EPB41L2: variants seen among roughly 807,000 people sequenced by gnomAD.
The protein encoded by EPB41L2 is band 4.1-like protein 2.
EPB41L2 carries 43 observed loss-of-function variants against 113.0 expected under a neutral mutation model. The ratio of observed to expected loss-of-function variants is 0.38; its 90% CI spans 0.30 to 0.49. The LOEUF (loss-of-function observed/expected upper bound fraction) is 0.49. Among genes scored for constraint, EPB41L2 ranks in the 20% least tolerant of loss-of-function variants. The probability of loss-of-function intolerance (pLI) is 0.95; values close to 1 mark genes in which losing one functional copy is unlikely to be tolerated. For missense variants in EPB41L2, 1,147 were observed against 1,223.4 expected (o/e 0.94, Z 0.93); for synonymous variants, 442 against 436.7 (o/e 1.01, Z -0.15).
At chr6:130,843,648 T>TA (rs1776177733) in intron 19 of EPB41L2, among the ~76,000 whole-genome samples, 1 of 152,218 alleles carries the variant, frequency 6.6e-6, no homozygotes, top group South Asian at 2.1e-4. Flanking sequence ...AAAGCATTCA[T>TA]ACCACTGTTC....
intron 14 of EPB41L2, chr6:130,870,386 A>G (rs984228847): frequency 7.7e-6 from 12 of 1,550,620 alleles, no homozygotes; most frequent in South Asian, 1.2e-5. Flanking sequence ...ACGTGTCTGC[A>G]GAACAAAAAG....
intron 1 of EPB41L2, among the ~76,000 whole-genome samples, chr6:130,967,458 G>A (rs1175306963): frequency 6.7e-6 from 1 of 149,566 alleles, no homozygotes; most frequent in Non-Finnish European, 1.5e-5. Context: ...TAATACCGGT[G>A]CATATGCAGG....
At chr6:130,983,412 C>T (rs751658370) in intron 1 of EPB41L2, among the ~76,000 whole-genome samples, 9 of 152,042 alleles carry the variant, frequency 5.9e-5, no homozygotes, top group Non-Finnish European at 8.8e-5. Context: ...GTACTTACAA[C>T]GTACATGGTA....
chr6:131,002,129 T>G (rs987245305), intron 1 of EPB41L2, among the ~76,000 whole-genome samples: 3 of 152,196 alleles, frequency 2.0e-5, no homozygotes, highest in African/African-American at 7.2e-5. Flanking sequence ...TTTAACTACC[T>G]GTTGATTCAA....
At position 130,931,602 on chromosome 6, in the gene EPB41L2, TC is replaced by T. The variant is rs1415365066; in HGVS notation, c.706-4894del. On this transcript the variant is annotated intron_variant, in intron 3 of 19. Coordinates refer to ENST00000337057, the MANE Select transcript of EPB41L2 (RefSeq NM_001431.4). ...TAATGTTCAATCAAACTCGATTGGG[TC>T]GGCTCAGACAGCAACACCATCTAGT... 2.6e-5 allele frequency among the ~76,000 whole-genome samples: 4 copies of T among 152,110 alleles called. No homozygotes were observed. In the East Asian group the frequency reaches 7.7e-4, roughly 29 times the overall value.
chr6:131,027,668 A>G (rs1791191168), intron 1 of EPB41L2, among the ~76,000 whole-genome samples: 1 of 152,232 alleles, frequency 6.6e-6, no homozygotes, highest in Non-Finnish European at 1.5e-5. Flanking sequence ...AAACTTTTAT[A>G]ACACAGAGAA....
intron 18 of EPB41L2, among the ~76,000 whole-genome samples, chr6:130,860,820 C>T (rs1003975790): frequency 2.0e-5 from 3 of 152,092 alleles, no homozygotes; most frequent in African/African-American, 7.2e-5. Context: ...AGGCTTGAGC[C>T]ACCGCGCCCG....
intron 1 of EPB41L2, among the ~76,000 whole-genome samples, chr6:131,024,198 G>T (rs1562755193): frequency 1.3e-5 from 2 of 152,096 alleles, no homozygotes; most frequent in Admixed American, 6.5e-5. Context: ...TCAGCAGAAG[G>T]TTGACAGGTG....
Position 131,027,107 on chromosome 6 carries a change from G to A in EPB41L2, c.-15+36048C>T, listed in dbSNP as rs553741869. Among the ~76,000 whole-genome samples, 4 of 152,044 alleles carry A rather than the reference G, an allele frequency of 2.6e-5. No individual in the cohort carries two copies. In the South Asian group the frequency reaches 8.3e-4, roughly 32 times the overall value. ...TACTTACTACGTAAGAGATTGAGCAGGCAAAATACATTGGAAAAAACACAT... is the reference window on the plus strand; with the variant it reads ...TACTTACTACGTAAGAGATTGAGCAAGCAAAATACATTGGAAAAAACACAT... On this transcript the variant is annotated intron_variant, in intron 1 of 19. Coordinates refer to ENST00000337057, the MANE Select transcript of EPB41L2 (RefSeq NM_001431.4).
intron 1 of EPB41L2, chr6:131,062,700 G>T (rs1333220427): frequency 6.6e-6 from 1 of 151,852 alleles, no homozygotes. Flanking sequence ...CCCCGCGGGG[G>T]GGATGGAGCC....
chr6:131,005,375 G>A (rs548649399), intron 1 of EPB41L2, among the ~76,000 whole-genome samples: 1 of 152,184 alleles, frequency 6.6e-6, no homozygotes, highest in South Asian at 2.1e-4. Flanking sequence ...AGATGCCCTA[G>A]AACCTGACAT....
intron 3 of EPB41L2, among the ~76,000 whole-genome samples, chr6:130,936,584 A>ATAGT (rs35028189): frequency 0.78 from 118,705 of 151,750 alleles, 46,931 homozygotes; most frequent in East Asian, 1. Flanking sequence ...TCTAAGCCAA[A>ATAGT]TAGTGATAAA....
At position 130,863,240 on chromosome 6, in the gene EPB41L2, A is replaced by T. The variant is rs923064661; in HGVS notation, c.2910+398T>A. Among the ~76,000 whole-genome samples, 3 of 152,332 alleles carry T rather than the reference A, an allele frequency of 2.0e-5. No homozygotes were observed. In the South Asian group the frequency reaches 6.2e-4, roughly 32 times the overall value. The stretch of plus-strand genomic sequence containing the variant: ...TCAACTTTTCTAATGCCATAAATAT[A>T]CTTGAAAAGTTCCTAAAAGTAGGCA... On this transcript the variant is annotated intron_variant, in intron 18 of 19. Transcript: ENST00000337057.
Position 130,904,533 on chromosome 6 carries a change from T to C in EPB41L2, c.861A>G (p.Pro287=). ...ACTTCACATTAAAAGTGAATAGCCATGGAAGGTCTGTAATTATTAAATATC... is the reference window on the plus strand; with the variant it reads ...ACTTCACATTAAAAGTGAATAGCCACGGAAGGTCTGTAATTATTAAATATC... The part of the protein sequence containing the change: ...KEIKRQLRNL[P]WLFTFNVKFY... Residue 287 remains proline (P), a synonymous_variant, in exon 6 of 20, where the codon CCA becomes CCG. Coordinates refer to ENST00000337057, the MANE Select transcript of EPB41L2 (RefSeq NM_001431.4). 2 of 1,597,910 alleles carry C rather than the reference T, an allele frequency of 1.3e-6. No individual in the cohort carries two copies. Among genetic ancestry groups the C allele is most frequent in the Non-Finnish European group, 1.7e-6 (2 of 1,168,082 alleles).
At chr6:130,933,521 G>A (rs1255362998) in intron 3 of EPB41L2, among the ~76,000 whole-genome samples, 1 of 151,772 alleles carries the variant, frequency 6.6e-6, no homozygotes, top group Non-Finnish European at 1.5e-5. Flanking sequence ...AAGCCCTTTG[G>A]TCTACTTTCC....
At chr6:130,876,663 A>G in intron 14 of EPB41L2, 1 of 1,298,486 alleles carries the variant, frequency 7.7e-7, no homozygotes, top group South Asian at 1.2e-5. Flanking sequence ...CCAAGGGTGC[A>G]AGGTGAACAC....
chr6:130,887,457 T>C (rs1253650186), intron 11 of EPB41L2, among the ~76,000 whole-genome samples: 2 of 152,214 alleles, frequency 1.3e-5, no homozygotes, highest in Non-Finnish European at 2.9e-5. Flanking sequence ...TAAACCCACA[T>C]AAACCCTTCA....
chr6:130,892,921 G>A (rs768127689), intron 10 of EPB41L2, among the ~76,000 whole-genome samples: 2 of 152,116 alleles, frequency 1.3e-5, no homozygotes, highest in South Asian at 2.1e-4. Flanking sequence ...GACACAGCTC[G>A]TATTTGGTAG....
chr6:131,043,311 G>GATAA (rs1310805425), intron 1 of EPB41L2, among the ~76,000 whole-genome samples: 10 of 151,704 alleles, frequency 6.6e-5, no homozygotes, highest in Non-Finnish European at 8.8e-5. Flanking sequence ...AAAAAATAAA[G>GATAA]ATAAATAAAT....
Sources: allele counts gnomAD v4.1 joint callset (sites outside exome capture counted in the v4.1 genomes callset), GRCh38; gene constraint gnomAD v4.1.1; transcripts MANE v1.5; gene names NCBI Gene and HGNC (gene_info 2026-07-23, HGNC 2026-07-21).